The following TTF1 variants were observed in gnomAD, a reference collection of about 807,000 sequenced individuals.
TTF1 encodes transcription termination factor 1, also known as transcription termination factor, RNA polymerase I.
TTF1 carries 64 observed loss-of-function variants against 80.2 expected under a neutral mutation model. The observed-to-expected ratio is 0.80, with a 90% CI of 0.65 to 0.98. The LOEUF is 0.98. TTF1 is among the 50% of genes least tolerant of loss of function. The pLI is 0.00. For missense variants in TTF1, 1,023 were observed against 1,086.2 expected (o/e 0.94, Z 0.82); for synonymous variants, 372 against 382.7 (o/e 0.97, Z 0.33).
intron 9 of TTF1, among the ~76,000 whole-genome samples, chr9:132,382,312 T>C (rs1849383047): frequency 6.6e-6 from 1 of 152,222 alleles, no homozygotes; most frequent in Non-Finnish European, 1.5e-5. Context: ...GATCTTTATA[T>C]AGTCTTAAAA....
chr9:132,388,300 C>A, intron 7 of TTF1, 72 bp from the exon 8 acceptor site: 2 of 1,126,812 alleles, frequency 1.8e-6, no homozygotes, highest in South Asian at 1.4e-5. Flanking sequence ...CTATATTTTT[C>A]TTATCTAAAT....
At chr9:132,398,011 G>C in intron 4 of TTF1, 130 bp downstream of exon 4, 1 of 632,718 alleles carries the variant, frequency 1.6e-6, no homozygotes, top group East Asian at 3.3e-5. Flanking sequence ...AATATCATCA[G>C]CCATCACAGC....
chr9:132,377,412 G>A (rs1394015126), intron 10 of TTF1, among the ~76,000 whole-genome samples: 5 of 95,746 alleles, frequency 5.2e-5, no homozygotes, highest in African/African-American at 1.8e-4. Flanking sequence ...CATGTGGTGT[G>A]TGTGAGTGCA....
At chr9:132,388,662 A>G (rs975869375) in intron 7 of TTF1, among the ~76,000 whole-genome samples, 2 of 152,132 alleles carry the variant, frequency 1.3e-5, no homozygotes, top group African/African-American at 4.8e-5. Context: ...TTGACTATCT[A>G]TGCACAGACA....
intron 7 of TTF1, among the ~76,000 whole-genome samples, chr9:132,390,070 G>A (rs1349897400): frequency 6.6e-6 from 1 of 152,116 alleles, no homozygotes; most frequent in Non-Finnish European, 1.5e-5. Context: ...CCACTTCCTG[G>A]GTTCAAGCGA....
At position 132,395,270 on chromosome 9, in the gene TTF1, T is replaced by C. The variant is rs749857895; in HGVS notation, c.1856+1163A>G. Among the ~76,000 whole-genome samples the C allele has an allele frequency of 1.8e-4, 28 of 151,934 alleles. No individual in the cohort carries two copies. The Middle Eastern group carries it at 0.014, about 74-fold the overall frequency. ...ATAATAATTCTTTGATTTTTTACTT[T>C]CTATTTTTTTGAAGTCAGGAATTGC... is the stretch of plus-strand genomic sequence containing the variant. On this transcript the variant is annotated intron_variant, in intron 5 of 10. Transcript: ENST00000334270.
intron 10 of TTF1, among the ~76,000 whole-genome samples, chr9:132,377,242 ATGTGGTGTGTGTGAGTGCATGCG>A (rs1849203922): frequency 8.8e-6 from 1 of 114,270 alleles, no homozygotes; most frequent in African/African-American, 3.5e-5. Flanking sequence ...GTGTGAGTGC[ATGTGGTGTGTGTGAGTGCATGCG>A]TGTGGTGTGA....
chr9:132,398,127 G>A lies in TTF1; in HGVS notation c.1777+14C>T, dbSNP rs1453514693. On this transcript the variant is annotated intron_variant, in intron 4 of 10. Coordinates refer to ENST00000334270, the MANE Select transcript of TTF1 (RefSeq NM_007344.4). ...GGCTGTGGATGGTCAAAGGGTGATT[G>A]TTTCTAAACTTACCAATGTGTAATC... 6.4e-7 allele frequency: 1 copy of A among 1,563,070 alleles called. No individual in the cohort carries two copies. The highest frequency in any genetic ancestry group is 8.6e-7 in the Non-Finnish European group (1 of 1,160,766).
rs373309077 is a variant in TTF1 at position 132,399,144 on chromosome 9, A to C, written c.1592-818T>G. Among the ~76,000 whole-genome samples the C allele has an allele frequency of 2.0e-5, 3 of 149,790 alleles. No homozygotes were observed. In the Admixed American group the frequency reaches 2.0e-4, roughly 10 times the overall value. On this transcript the variant is annotated intron_variant, in intron 3 of 10. Coordinates refer to ENST00000334270, the MANE Select transcript of TTF1 (RefSeq NM_007344.4). ...AACCCAGGAGGCGTAGGTTGCAGTG[A>C]GCCGAGATCATGCCACTGCACTCCA...
intron 9 of TTF1, 87 bp from the exon 10 acceptor site, chr9:132,379,231 T>C (rs1849323908): frequency 1.0e-6 from 1 of 966,156 alleles, no homozygotes; most frequent in Non-Finnish European, 1.5e-6. Flanking sequence ...TTTATTCAGG[T>C]GAGGTTTATA....
intron 9 of TTF1, among the ~76,000 whole-genome samples, chr9:132,381,113 A>G (rs1228368271): frequency 6.6e-6 from 1 of 152,148 alleles, no homozygotes; most frequent in Non-Finnish European, 1.5e-5. Flanking sequence ...TTTATTTAAA[A>G]CCATAAAAAC....
At chr9:132,383,929 A>G (rs934110724) in intron 9 of TTF1, among the ~76,000 whole-genome samples, 4 of 152,134 alleles carry the variant, frequency 2.6e-5, no homozygotes, top group African/African-American at 9.7e-5. Flanking sequence ...TCCCCTATTA[A>G]CAGGCCTTTT....
intron 9 of TTF1, among the ~76,000 whole-genome samples, chr9:132,382,837 G>C (rs1483441565): frequency 1.3e-5 from 2 of 151,964 alleles, no homozygotes; most frequent in Non-Finnish European, 2.9e-5. Flanking sequence ...AGGCTGAGGT[G>C]GGTGGATCAC....
At chr9:132,398,013 C>T in intron 4 of TTF1, 128 bp downstream of exon 4, 1 of 660,606 alleles carries the variant, frequency 1.5e-6, no homozygotes, top group Non-Finnish European at 2.4e-6. Flanking sequence ...TATCATCAGC[C>T]ATCACAGCAG....
intron 9 of TTF1, among the ~76,000 whole-genome samples, chr9:132,383,984 G>C (rs145874573): frequency 1.4e-3 from 212 of 152,288 alleles, no homozygotes; most frequent in Non-Finnish European, 2.4e-3. Flanking sequence ...TATGTGTGAA[G>C]TTGTTTTGTA....
chr9:132,382,754 A>G (rs573216119), intron 9 of TTF1, among the ~76,000 whole-genome samples: 104 of 62,712 alleles, frequency 1.7e-3, no homozygotes, highest in African/African-American at 6.0e-3. Flanking sequence ...CATCTCTACT[A>G]AAAATACAAA....
intron 5 of TTF1, among the ~76,000 whole-genome samples, chr9:132,394,340 C>T (rs566648844): frequency 2.6e-5 from 4 of 151,340 alleles, no homozygotes; most frequent in Admixed American, 6.6e-5. Context: ...AGTGCAGTGG[C>T]GCAATCTCGG....
At chr9:132,376,693 C>T (rs377737410) in intron 10 of TTF1, among the ~76,000 whole-genome samples, 14 of 146,924 alleles carry the variant, frequency 9.5e-5, no homozygotes, top group East Asian at 2.0e-4. Context: ...GATAGGGTCT[C>T]GCTCTGTCAC....
Position 132,394,014 on chromosome 9 carries a change from T to C in TTF1, c.1857-1808A>G, listed in dbSNP as rs187122682. On this transcript the variant is annotated intron_variant, in intron 5 of 10. Coordinates refer to ENST00000334270, the MANE Select transcript of TTF1 (RefSeq NM_007344.4). ...ATGGCTCACTGCAACCTCCACCTCC[T>C]GGGATCAAGCGATCCTCCCACCTCA... is the stretch of plus-strand genomic sequence containing the variant. 7.5e-3 allele frequency among the ~76,000 whole-genome samples: 1,140 copies of C among 151,930 alleles called. 12 individuals are homozygous for C. Among genetic ancestry groups the C allele is most frequent in the African/African-American group, 0.026 (1,083 of 41,432 alleles).
Sources: allele counts gnomAD v4.1 joint callset (sites outside exome capture counted in the v4.1 genomes callset), GRCh38; gene constraint gnomAD v4.1.1; transcripts MANE v1.5; gene names NCBI Gene and HGNC (gene_info 2026-07-23, HGNC 2026-07-21).